The following GRID2 variants were observed in gnomAD, a reference collection of about 807,000 sequenced individuals.
The protein encoded by GRID2 is glutamate ionotropic receptor delta type subunit 2.
In GRID2, 33 loss-of-function variants were observed where a neutral mutation model predicts 114.8. The ratio of observed to expected loss-of-function variants is 0.29; its 90% confidence interval spans 0.22 to 0.38. The LOEUF is 0.38. GRID2 is among the 10% of genes least tolerant of loss of function. The pLI is 1.00. For synonymous variants in GRID2, 505 were observed against 449.9 expected (o/e 1.12, Z -1.55); for missense variants, 1,184 against 1,257.7 (o/e 0.94, Z 0.89).
chr4:92,676,177 T>C, intron 2 of GRID2, among the ~76,000 whole-genome samples: 1 of 109,488 alleles, frequency 9.1e-6, no homozygotes, highest in Non-Finnish European at 1.8e-5. Flanking sequence ...CCCCTTTTTT[T>C]TTTGTGGTTG....
At chr4:93,782,743 A>G (rs1734504813) in intron 1 of GRID2, among the ~76,000 whole-genome samples, 1 of 152,236 alleles carries the variant, frequency 6.6e-6, no homozygotes, top group Non-Finnish European at 1.5e-5. Flanking sequence ...AATATCGTAT[A>G]TCAAATATAA....
chr4:93,208,586 T>C (rs1743086315), intron 5 of GRID2, among the ~76,000 whole-genome samples: 1 of 152,010 alleles, frequency 6.6e-6, no homozygotes, highest in Non-Finnish European at 1.5e-5. Flanking sequence ...AATAAATTAT[T>C]TTCCTCTTTT....
chr4:92,952,100 G>A (rs1233994891), intron 2 of GRID2, among the ~76,000 whole-genome samples: 5 of 152,152 alleles, frequency 3.3e-5, no homozygotes, highest in African/African-American at 9.7e-5. Flanking sequence ...AAGGGTAAAT[G>A]CATTCATATT....
chr4:93,728,677 G>T (rs1231535201), intron 14 of GRID2, among the ~76,000 whole-genome samples: 1 of 152,102 alleles, frequency 6.6e-6, no homozygotes, highest in Non-Finnish European at 1.5e-5. Context: ...CTCGTGTATT[G>T]GGTGCATATA....
intron 14 of GRID2, among the ~76,000 whole-genome samples, chr4:93,674,599 T>C (rs191644147): frequency 3.1e-4 from 47 of 151,974 alleles, no homozygotes; most frequent in African/African-American, 4.6e-4. Context: ...ATTTGACCTT[T>C]TGAGGCATAA....
intron 1 of GRID2, among the ~76,000 whole-genome samples, chr4:92,428,310 G>A (rs1048324836): frequency 6.6e-6 from 1 of 151,908 alleles, no homozygotes; most frequent in Non-Finnish European, 1.5e-5. Flanking sequence ...ATTTTGTTTG[G>A]CATTTATTTT....
chr4:92,377,791 T>A (rs577415111), intron 1 of GRID2, among the ~76,000 whole-genome samples: 1 of 152,088 alleles, frequency 6.6e-6, no homozygotes, highest in East Asian at 1.9e-4. Flanking sequence ...TATAAAACCA[T>A]CGGATCTCAT....
At chr4:93,506,661 GGTGCC>G (rs1243445550) in intron 12 of GRID2, among the ~76,000 whole-genome samples, 5 of 152,128 alleles carry the variant, frequency 3.3e-5, no homozygotes, top group Admixed American at 1.3e-4. Context: ...TCCACATGGA[GGTGCC>G]CATCTTCTGA....
At chr4:93,223,173 A>C (rs779265709) in intron 6 of GRID2, among the ~76,000 whole-genome samples, 2 of 152,080 alleles carry the variant, frequency 1.3e-5, no homozygotes. Context: ...GCTGTATAGC[A>C]GACTTCAGCC....
chr4:93,660,407 G>A (rs200182026), intron 14 of GRID2, among the ~76,000 whole-genome samples: 1 of 151,802 alleles, frequency 6.6e-6, no homozygotes, highest in East Asian at 1.9e-4. Context: ...TTCATAATGA[G>A]AAAAAAAGGA....
intron 2 of GRID2, among the ~76,000 whole-genome samples, chr4:93,075,107 A>T (rs953148805): frequency 1.3e-5 from 2 of 152,186 alleles, no homozygotes; most frequent in Admixed American, 6.5e-5. Context: ...ATTCTAACCC[A>T]TTTACTGAAG....
chr4:92,487,988 T>C (rs1286733197), intron 1 of GRID2, among the ~76,000 whole-genome samples: 1 of 152,186 alleles, frequency 6.6e-6, no homozygotes, highest in Non-Finnish European at 1.5e-5. Context: ...GTTTTTCCTC[T>C]TTCTGATTCA....
intron 1 of GRID2, among the ~76,000 whole-genome samples, chr4:92,520,382 AAAC>A (rs1560685769): frequency 1.3e-5 from 2 of 151,818 alleles, no homozygotes; most frequent in Non-Finnish European, 2.9e-5. Context: ...TGATAAAAAA[AAAC>A]AAGGAATATG....
chr4:92,831,042 T>C (rs1742066815), intron 2 of GRID2, among the ~76,000 whole-genome samples: 2 of 152,204 alleles, frequency 1.3e-5, no homozygotes, highest in African/African-American at 4.8e-5. Context: ...TAAACTGATA[T>C]ACCTTGGGAT....
chr4:93,094,792 TG>T (rs1731063659), intron 3 of GRID2, among the ~76,000 whole-genome samples: 1 of 151,858 alleles, frequency 6.6e-6, no homozygotes, highest in Non-Finnish European at 1.5e-5. Context: ...CAAAGATAAA[TG>T]TGAAGAGAAA....
intron 1 of GRID2, among the ~76,000 whole-genome samples, chr4:93,787,582 C>T (rs1734616797): frequency 6.6e-6 from 1 of 152,162 alleles, no homozygotes; most frequent in South Asian, 2.1e-4. Context: ...TAGCACAGGA[C>T]ACCTTCTACC....
At chr4:92,564,570 G>A (rs545461508) in intron 1 of GRID2, among the ~76,000 whole-genome samples, 37 of 151,966 alleles carry the variant, frequency 2.4e-4, no homozygotes, top group African/African-American at 8.2e-4. Context: ...GAGTAGAAGG[G>A]TTTCTATCCC....
At chr4:93,364,777 C>A (rs1159299829) in intron 8 of GRID2, among the ~76,000 whole-genome samples, 2 of 152,118 alleles carry the variant, frequency 1.3e-5, no homozygotes, top group Non-Finnish European at 2.9e-5. Flanking sequence ...CTGTACCTAA[C>A]CCTCTTCTGG....
At chr4:93,714,909 T>C (rs569622783) in intron 14 of GRID2, among the ~76,000 whole-genome samples, 6 of 152,316 alleles carry the variant, frequency 3.9e-5, no homozygotes, top group African/African-American at 1.2e-4. Context: ...TAATTTCTTT[T>C]GCTGTGCAGA....
Sources: gnomAD v4.1 joint callset for allele counts (sites outside exome capture counted in the v4.1 genomes callset) on GRCh38, gnomAD v4.1.1 for gene constraint, MANE v1.5 for transcripts, NCBI Gene and HGNC (gene_info 2026-07-23, HGNC 2026-07-21) for gene names.